The following PPP1R42 variants were observed in gnomAD, a reference collection of about 807,000 sequenced individuals.
The protein encoded by PPP1R42 is leucine rich repeat containing 67.
PPP1R42 carries 34 observed loss-of-function variants against 31.0 expected under a neutral mutation model. The observed-to-expected ratio is 1.10, with a 90% CI of 0.83 to 1.46. The LOEUF is 1.46. PPP1R42 is among the 40% of genes most tolerant of loss of function. The pLI is 0.00. For synonymous variants in PPP1R42, 103 were observed against 109.8 expected, an observed-to-expected ratio of 0.94 and a Z score of 0.39; for missense variants, 268 against 303.0, an observed-to-expected ratio of 0.88 and a Z score of 0.86.
At chr8:67,014,377 A>T in intron 3 of PPP1R42, 49 bp downstream of exon 3, 1 of 1,160,294 alleles carries the variant, frequency 8.6e-7, no homozygotes, top group Non-Finnish European at 1.2e-6. Flanking sequence ...AAATGTAAGT[A>T]CCATAATCAT....
At chr8:67,013,846 T>TCC (rs1815918877) in intron 3 of PPP1R42, among the ~76,000 whole-genome samples, 1 of 152,232 alleles carries the variant, frequency 6.6e-6, no homozygotes. Flanking sequence ...AACTCTTGTG[T>TCC]CCCCATTCTG....
intron 7 of PPP1R42, among the ~76,000 whole-genome samples, chr8:66,970,414 G>A (rs761007887): frequency 9.2e-5 from 14 of 152,106 alleles, no homozygotes; most frequent in Admixed American, 6.5e-4. Context: ...GAGATTATAG[G>A]CGTGAACCAT....
intron 5 of PPP1R42, among the ~76,000 whole-genome samples, chr8:66,998,171 A>C (rs1815387546): frequency 1.3e-5 from 2 of 152,236 alleles, no homozygotes; most frequent in Admixed American, 6.5e-5. Context: ...ACCAGAATAC[A>C]GTCTGCTAAT....
chr8:66,982,646 C>T (rs1436861768), intron 6 of PPP1R42, among the ~76,000 whole-genome samples: 1 of 152,146 alleles, frequency 6.6e-6, no homozygotes, highest in Non-Finnish European at 1.5e-5. Flanking sequence ...TTAGTAGAGA[C>T]AAGGTCTTGC....
At chr8:67,020,141 C>G (rs1232897407) in intron 1 of PPP1R42, among the ~76,000 whole-genome samples, 3 of 152,056 alleles carry the variant, frequency 2.0e-5, no homozygotes, top group Non-Finnish European at 2.9e-5. Context: ...ATTAGTACAA[C>G]CATAATCCAC....
At chr8:66,985,227 G>A in intron 6 of PPP1R42, 3 of 1,117,426 alleles carry the variant, frequency 2.7e-6, no homozygotes, top group Non-Finnish European at 2.7e-6. Context: ...TCTCAAATTT[G>A]CCCTTGTCAT....
At chr8:67,003,894 T>C (rs1585668197) in intron 5 of PPP1R42, among the ~76,000 whole-genome samples, 1 of 152,194 alleles carries the variant, frequency 6.6e-6, no homozygotes, top group Non-Finnish European at 1.5e-5. Context: ...ATTGAGACCA[T>C]CCTGGCTAAG....
intron 1 of PPP1R42, among the ~76,000 whole-genome samples, chr8:67,024,114 C>T (rs1816311727): frequency 6.6e-6 from 1 of 151,636 alleles, no homozygotes; most frequent in Non-Finnish European, 1.5e-5. Context: ...CCACTGCACT[C>T]CAGCCTGGCG....
At chr8:66,986,789 C>T (rs1288867142) in intron 6 of PPP1R42, among the ~76,000 whole-genome samples, 1 of 152,182 alleles carries the variant, frequency 6.6e-6, no homozygotes, top group East Asian at 1.9e-4. Flanking sequence ...TCAAACATAG[C>T]CTTTCTGATA....
intron 5 of PPP1R42, among the ~76,000 whole-genome samples, chr8:66,995,111 G>T (rs547210940): frequency 6.6e-6 from 1 of 152,262 alleles, no homozygotes; most frequent in Admixed American, 6.5e-5. Context: ...TATAGCACAG[G>T]GTTTGATGTC....
chr8:66,996,744 C>T (rs1012337000), intron 5 of PPP1R42, among the ~76,000 whole-genome samples: 2 of 152,146 alleles, frequency 1.3e-5, no homozygotes, highest in Non-Finnish European at 2.9e-5. Flanking sequence ...TGGATATGAT[C>T]CATTTTGAGT....
rs72654925 is a variant in PPP1R42, at chr8:66,988,526, A to G, written c.553-9T>C. The G allele has an allele frequency of 0.064, 101,633 of 1,591,802 alleles. 3,779 individuals carry two copies. Among genetic ancestry groups the G allele is most frequent in the Middle Eastern group, 0.074 (443 of 5,966 alleles). ...AGTAAAAACTCCAAATCCTATAATT[A>G]GAGAAGAAAAAGCAAAGCACAAGCA... On this transcript the variant is annotated splice_polypyrimidine_tract_variant and intron_variant, in intron 5 of 7. Coordinates refer to ENST00000685739, the MANE Select transcript of PPP1R42 (RefSeq NM_001364910.1).
intron 1 of PPP1R42, among the ~76,000 whole-genome samples, chr8:67,025,969 C>T (rs1488334325): frequency 5.4e-5 from 8 of 147,418 alleles, no homozygotes; most frequent in East Asian, 2.0e-4. Flanking sequence ...CGCACCACTA[C>T]GCTCCAGCCT....
intron 7 of PPP1R42, chr8:66,970,977 C>A: frequency 6.6e-7 from 1 of 1,517,042 alleles, no homozygotes; most frequent in South Asian, 1.2e-5. Context: ...TTGAAAGAAC[C>A]TACCCCATCT....
At chr8:66,975,102 G>A (rs910055857) in intron 7 of PPP1R42, among the ~76,000 whole-genome samples, 8 of 152,196 alleles carry the variant, frequency 5.3e-5, no homozygotes, top group African/African-American at 1.9e-4. Context: ...ACAATATTGA[G>A]TCTTCAGTTC....
chr8:66,970,995 A>C lies in PPP1R42; in HGVS notation c.803-6661T>G, dbSNP rs779316357. 3.5e-5 allele frequency: 53 copies of C among 1,522,582 alleles called. No individual in the cohort carries two copies. In the African/African-American group the frequency reaches 5.8e-4, roughly 17 times the overall value. 94.3% of individuals were successfully genotyped at this position (1,522,582 alleles called of 1,614,324 possible). On this transcript the variant is annotated intron_variant, in intron 7 of 7. Coordinates refer to ENST00000685739, the MANE Select transcript of PPP1R42 (RefSeq NM_001364910.1). Reference sequence around the variant, plus strand: ...AAAGAACCTACCCCATCTCTTAAATAATTTTAGTGTAATCTTCTCAGGAAC... The same window carrying C: ...AAAGAACCTACCCCATCTCTTAAATCATTTTAGTGTAATCTTCTCAGGAAC...
intron 7 of PPP1R42, among the ~76,000 whole-genome samples, chr8:66,972,794 A>C (rs1455335028): frequency 1.3e-5 from 2 of 152,294 alleles, no homozygotes; most frequent in East Asian, 1.9e-4. Flanking sequence ...CTTTTTAGTT[A>C]TAAAAATTGT....
intron 7 of PPP1R42, among the ~76,000 whole-genome samples, chr8:66,971,951 T>C (rs1422270929): frequency 6.6e-6 from 1 of 152,244 alleles, no homozygotes; most frequent in African/African-American, 2.4e-5. Context: ...GAATTCCTGT[T>C]CCCTTACAAT....
intron 5 of PPP1R42, among the ~76,000 whole-genome samples, chr8:66,991,343 G>T (rs917839478): frequency 3.9e-5 from 6 of 152,092 alleles, no homozygotes; most frequent in African/African-American, 1.4e-4. Flanking sequence ...GTAAATTGTT[G>T]TTAAACTATC....
Sources: allele counts gnomAD v4.1 joint callset (sites outside exome capture counted in the v4.1 genomes callset), GRCh38; gene constraint gnomAD v4.1.1; transcripts MANE v1.5; gene names NCBI Gene and HGNC (gene_info 2026-07-23, HGNC 2026-07-21).